FARP1: variants seen among roughly 807,000 people sequenced by gnomAD.
The protein encoded by FARP1 is FERM, ARHGEF and pleckstrin domain-containing protein 1.
FARP1 carries 52 observed loss-of-function variants against 128.8 expected under a neutral mutation model. The ratio of observed to expected loss-of-function variants is 0.40; its 90% CI spans 0.32 to 0.51. FARP1 has a LOEUF of 0.51. Among genes scored for constraint, FARP1 ranks in the 20% least tolerant of loss-of-function variants. The pLI, the probability that FARP1 is intolerant of heterozygous loss-of-function variation, is 0.45. For missense variants in FARP1, 1,333 were observed against 1,367.9 expected (o/e 0.97, Z 0.40); for synonymous variants, 580 against 551.8 (o/e 1.05, Z -0.72).
chr13:98,347,136 C>T (rs1888213525), intron 3 of FARP1, among the ~76,000 whole-genome samples: 1 of 152,196 alleles, frequency 6.6e-6, no homozygotes. Flanking sequence ...CCCCTCTGCC[C>T]CAGACACAGT....
At chr13:98,359,988 A>G (rs550263658) in intron 3 of FARP1, among the ~76,000 whole-genome samples, 1 of 152,072 alleles carries the variant, frequency 6.6e-6, no homozygotes, top group Non-Finnish European at 1.5e-5. Context: ...TGAATTATGG[A>G]AGAACAGTGC....
At position 98,232,144 on chromosome 13, in the gene FARP1, G is replaced by GTTTTTTTTTTTTTTTTTTTTTTTTT. The variant is rs1555329634; in HGVS notation, c.171+18731_171+18732insTTTTTTTTTTTTTTTTTTTTTTTTT. The stretch of plus-strand genomic sequence containing the variant: ...CGTGCCCGGCTTTTTTTGTTTGGTT[G>GTTTTTTTTTTTTTTTTTTTTTTTTT]GTTTTTTTTTTTTTTTTTTTTTGCT... On this transcript the variant is annotated intron_variant, in intron 2 of 26. Coordinates refer to ENST00000319562, the MANE Select transcript of FARP1 (RefSeq NM_005766.4). 8.1e-5 allele frequency among the ~76,000 whole-genome samples: 9 copies of GTTTTTTTTTTTTTTTTTTTTTTTTT among 111,682 alleles called. 1 individual carries two copies. Among genetic ancestry groups the GTTTTTTTTTTTTTTTTTTTTTTTTT allele is most frequent in the East Asian group, 2.6e-4 (1 of 3,782 alleles). The allele number at this position is 111,682 out of a possible 152,430, so 73.3% of individuals were successfully genotyped here.
intron 2 of FARP1, among the ~76,000 whole-genome samples, chr13:98,290,362 A>G (rs1302812266): frequency 6.6e-6 from 1 of 151,888 alleles, no homozygotes; most frequent in African/African-American, 2.4e-5. Flanking sequence ...TTTAGCAGAG[A>G]CCTATGGGAA....
At position 98,176,310 on chromosome 13, in the gene FARP1, C is replaced by G. The variant is rs749845859; in HGVS notation, c.-24+32818C>G. On this transcript the variant is annotated intron_variant, in intron 1 of 26. Transcript: ENST00000319562. The surrounding 1 kb of genome is among the most constrained non-coding windows in gnomAD (Gnocchi z 6.2). ...CTGCAGCCTGAAGCTTTTGCAGTTT[C>G]GCCATCAGTTCTTTGGCGGGGTTAA... 1 of 1,612,842 alleles carries G rather than the reference C, an allele frequency of 6.2e-7. No individual in the cohort carries two copies. Among genetic ancestry groups the G allele is most frequent in the Non-Finnish European group, 8.5e-7 (1 of 1,179,004 alleles).
intron 17 of FARP1, among the ~76,000 whole-genome samples, chr13:98,426,964 G>A (rs570649079): frequency 2.0e-5 from 3 of 152,148 alleles, no homozygotes; most frequent in African/African-American, 4.8e-5. Flanking sequence ...GTATTCTTCC[G>A]TCCACCCCTA....
At chr13:98,270,181 A>G (rs1884323945) in intron 2 of FARP1, among the ~76,000 whole-genome samples, 1 of 152,202 alleles carries the variant, frequency 6.6e-6, no homozygotes, top group Non-Finnish European at 1.5e-5. Context: ...GGGTAAATTT[A>G]GGTGATTTTC....
At chr13:98,279,894 C>T (rs1241405992) in intron 2 of FARP1, among the ~76,000 whole-genome samples, 1 of 152,120 alleles carries the variant, frequency 6.6e-6, no homozygotes, top group East Asian at 1.9e-4. Context: ...GGCGACGCCC[C>T]CCCTCTGTCT....
chr13:98,347,429 C>T (rs937518130), intron 3 of FARP1, among the ~76,000 whole-genome samples: 1 of 152,168 alleles, frequency 6.6e-6, no homozygotes, highest in African/African-American at 2.4e-5. Context: ...TTCCCCAGCC[C>T]CTGTTCTACT....
chr13:98,295,364 G>A (rs1377969221), intron 2 of FARP1, among the ~76,000 whole-genome samples: 1 of 152,120 alleles, frequency 6.6e-6, no homozygotes, highest in Non-Finnish European at 1.5e-5. Flanking sequence ...TGTCCTCAGT[G>A]GATATGGGGA....
At position 98,385,721 on chromosome 13, in the gene FARP1, A is replaced by G. The variant is rs200612181; in HGVS notation, c.666A>G (p.Leu222=). 4 of 1,613,052 alleles carry G rather than the reference A, an allele frequency of 2.5e-6. No individual in the cohort carries two copies. The change falls in exon 8 of 27, where the codon CTA becomes CTG. Residue 222 remains leucine, a synonymous_variant. Coordinates refer to ENST00000319562, the MANE Select transcript of FARP1 (RefSeq NM_005766.4). The part of the protein sequence containing the change: ...DFQLLEIARR[L]EMYGIRLHPA... ...AGCTCCTAGAGATTGCCCGTCGGCT[A>G]GAGATGTATGGAATCCGGTTGCACC...
chr13:98,192,838 A>G (rs1034316093), intron 1 of FARP1, among the ~76,000 whole-genome samples: 2 of 152,210 alleles, frequency 1.3e-5, no homozygotes, highest in African/African-American at 2.4e-5. Flanking sequence ...AATAAAAAAG[A>G]ACTTGGTCCG....
At chr13:98,278,626 A>G (rs74108740) in intron 2 of FARP1, among the ~76,000 whole-genome samples, 12,686 of 152,178 alleles carry the variant, frequency 0.083, 1,062 homozygotes, top group African/African-American at 0.22. Flanking sequence ...ACTACTCATC[A>G]GTAAACCTGT....
Position 98,395,479 on chromosome 13 carries a change from C to G in FARP1, c.1414+3C>G. ...TCAGCCCCCGCAGCCAAGCACAGGT[C>G]CAGCATCCCGGGCTGCCAGAGGCAG... On this transcript the variant is annotated splice_donor_region_variant and intron_variant, in intron 13 of 26. Transcript: ENST00000319562. 1.9e-6 allele frequency: 3 copies of G among 1,574,380 alleles called. No individual in the cohort carries two copies. Among genetic ancestry groups the G allele is most frequent in the Non-Finnish European group, 2.6e-6 (3 of 1,154,222 alleles).
chr13:98,293,951 A>C (rs1353882961), intron 2 of FARP1, among the ~76,000 whole-genome samples: 1 of 152,188 alleles, frequency 6.6e-6, no homozygotes, highest in African/African-American at 2.4e-5. Context: ...GGCAAATGTG[A>C]GGATGCCTCA....
chr13:98,228,243 C>T (rs189129437), intron 2 of FARP1, among the ~76,000 whole-genome samples: 36 of 152,250 alleles, frequency 2.4e-4, no homozygotes, highest in Non-Finnish European at 4.7e-4. Flanking sequence ...GCCTGTAATC[C>T]CAGCTACTGG....
intron 3 of FARP1, 43 bp downstream of exon 3, chr13:98,343,909 A>T (rs1447169460): frequency 7.7e-7 from 1 of 1,302,414 alleles, no homozygotes; most frequent in Admixed American, 1.7e-5. Flanking sequence ...CTGTCTGTTC[A>T]TCTTGGTGGG....
chr13:98,343,839 C>T lies in FARP1; in HGVS notation c.249C>T (p.Leu83=), dbSNP rs375705754. The T allele has an allele frequency of 1.9e-5, 30 of 1,613,334 alleles. No homozygotes were observed. The African/African-American group carries it at 3.2e-4, about 17-fold the overall frequency. Residue 83 remains leucine (L), a synonymous_variant, in exon 3 of 27, where the codon CTC becomes CTT. Transcript: ENST00000319562. ...TCGTGGAAGGTGACTATTTTGGCCT[C>T]GAGTTTCCTGATCACAAAAAGATCA... ...LNLVEGDYFG[L]EFPDHKKITV...
At chr13:98,346,703 C>T (rs1888193730) in intron 3 of FARP1, among the ~76,000 whole-genome samples, 1 of 152,096 alleles carries the variant, frequency 6.6e-6, no homozygotes, top group Non-Finnish European at 1.5e-5. Context: ...TGAGATCGTT[C>T]CACTGCACTC....
At chr13:98,159,493 T>C (rs1876722783) in intron 1 of FARP1, 2 of 148,990 alleles carry the variant, frequency 1.3e-5, no homozygotes, top group Non-Finnish European at 3.0e-5. Context: ...TTTTTTGAGA[T>C]GGAGTCTTGC....
Sources: gnomAD v4.1 joint callset for allele counts (sites outside exome capture counted in the v4.1 genomes callset) on GRCh38, gnomAD v4.1.1 for gene constraint, Gnocchi (gnomAD v3.1) non-coding constraint, MANE v1.5 for transcripts, NCBI Gene and HGNC (gene_info 2026-07-23, HGNC 2026-07-21) for gene names.